RWDD1: variants seen among roughly 807,000 people sequenced by gnomAD.
RWDD1 encodes RWD domain containing 1, also known as RWD domain-containing protein 1.
RWDD1 carries 17 observed loss-of-function variants against 31.6 expected under a neutral mutation model. The ratio of observed to expected loss-of-function variants is 0.54; its 90% CI spans 0.37 to 0.81. The LOEUF (loss-of-function observed/expected upper bound fraction) is 0.81, where lower values mean the gene tolerates loss of function less well. RWDD1 is among the 30% of genes least tolerant of loss of function. The probability of loss-of-function intolerance (pLI) is 0.00; values close to 1 mark genes in which losing one functional copy is unlikely to be tolerated. For missense variants in RWDD1, 204 were observed against 274.5 expected (o/e 0.74, Z 1.82); for synonymous variants, 78 against 94.2 (o/e 0.83, Z 0.99).
In RWDD1 at chr6:116,594,321, T is replaced by TATTTAAATTAGAATTTAAATTAAA. The variant is rs1416620397; in HGVS notation, c.*1231_*1254dup. Reference sequence around the variant, plus strand: ...TATCCAAACCATAGCAGTCTTAAAGTATTTAAATTAGAATTTAAATTAAAA... The same window carrying TATTTAAATTAGAATTTAAATTAAA: ...TATCCAAACCATAGCAGTCTTAAAGTATTTAAATTAGAATTTAAATTAAAATTTAAATTAGAATTTAAATTAAAA... On this transcript the variant is annotated 3_prime_UTR_variant, in exon 7 of 7. Coordinates refer to ENST00000466444, the MANE Select transcript of RWDD1 (RefSeq NM_015952.4). The TATTTAAATTAGAATTTAAATTAAA allele has an allele frequency of 3.3e-5, 5 of 152,138 alleles. No homozygotes were observed. Among genetic ancestry groups the TATTTAAATTAGAATTTAAATTAAA allele is most frequent in the African/African-American group, 9.7e-5 (4 of 41,426 alleles). 9.4% of individuals were successfully genotyped at this position (152,138 alleles called of 1,614,324 possible).
At chr6:116,575,045 T>C (rs1351477374) in intron 1 of RWDD1, among the ~76,000 whole-genome samples, 3 of 152,128 alleles carry the variant, frequency 2.0e-5, no homozygotes, top group Non-Finnish European at 4.4e-5. Context: ...GCTGGGGTTA[T>C]AGGCGTGAGC....
chr6:116,585,983 C>T (rs913502698), intron 3 of RWDD1, among the ~76,000 whole-genome samples: 1 of 151,978 alleles, frequency 6.6e-6, no homozygotes, highest in Non-Finnish European at 1.5e-5. Context: ...TAAAACATTG[C>T]AGAGAACCTG....
chr6:116,591,805 C>T (rs1195488211), intron 6 of RWDD1, among the ~76,000 whole-genome samples: 1 of 152,246 alleles, frequency 6.6e-6, no homozygotes, highest in Non-Finnish European at 1.5e-5. Flanking sequence ...AATCCTTTAG[C>T]TTCTGGCCTT....
chr6:116,571,563 G>A lies in RWDD1; in HGVS notation c.-20G>A. ...CCGCCTAGGTGTCTGGGCGATCTAT[G>A]GGCAAGAGCAAGGGCCACGATGACA... On this transcript the variant is annotated 5_prime_UTR_variant, in exon 1 of 7. The change abolishes an upstream ATG in the 5' untranslated region. Coordinates refer to ENST00000466444, the MANE Select transcript of RWDD1 (RefSeq NM_015952.4). 6.2e-7 allele frequency: 1 copy of A among 1,611,580 alleles called. No individual in the cohort carries two copies. The highest frequency in any genetic ancestry group is 8.5e-7 in the Non-Finnish European group (1 of 1,179,056).
At chr6:116,578,953 G>A in intron 1 of RWDD1, among the ~76,000 whole-genome samples, 1 of 152,056 alleles carries the variant, frequency 6.6e-6, no homozygotes, top group East Asian at 1.9e-4. Flanking sequence ...TTGGCTCACT[G>A]CAACCTCTGC....
chr6:116,585,797 T>C (rs923002347), intron 3 of RWDD1, among the ~76,000 whole-genome samples: 4 of 152,252 alleles, frequency 2.6e-5, no homozygotes, highest in Admixed American at 2.6e-4. Flanking sequence ...TTTTTTTATA[T>C]ATTTTTATTT....
At chr6:116,578,943 T>C (rs1295862731) in intron 1 of RWDD1, among the ~76,000 whole-genome samples, 2 of 152,202 alleles carry the variant, frequency 1.3e-5, no homozygotes, top group Admixed American at 1.3e-4. Context: ...TGGCGCAATC[T>C]TGGCTCACTG....
chr6:116,586,192 A>G (rs1481261660), intron 3 of RWDD1, among the ~76,000 whole-genome samples: 1 of 152,206 alleles, frequency 6.6e-6, no homozygotes, highest in Non-Finnish European at 1.5e-5. Flanking sequence ...AATAATCGTT[A>G]TAATTTTCCA....
intron 2 of RWDD1, among the ~76,000 whole-genome samples, chr6:116,581,503 A>G (rs1477177933): frequency 6.6e-6 from 1 of 152,066 alleles, no homozygotes; most frequent in African/African-American, 2.4e-5. Context: ...TACTCAGTGC[A>G]TTATCCACCA....
intron 1 of RWDD1, 88 bp from the exon 2 acceptor site, chr6:116,580,207 C>G (rs1192434745): frequency 1.2e-6 from 1 of 828,876 alleles, no homozygotes; most frequent in African/African-American, 1.7e-5. Context: ...GGACCAGTTT[C>G]TAGGACTGGG....
chr6:116,588,824 C>T lies in RWDD1; in HGVS notation c.271-18C>T, dbSNP rs1775085301. 2 of 1,510,990 alleles carry T rather than the reference C, an allele frequency of 1.3e-6. No individual in the cohort carries two copies. Among genetic ancestry groups the T allele is most frequent in the African/African-American group, 1.5e-5 (1 of 68,680 alleles). The allele number at this position is 1,510,990 out of a possible 1,614,324, so 93.6% of individuals were successfully genotyped here. ...TTTTTCTGAGAGTTATTCCTCATCACCTTTTTGTGTTACACAGGCTGAAGA... is the reference window on the plus strand; with the variant it reads ...TTTTTCTGAGAGTTATTCCTCATCATCTTTTTGTGTTACACAGGCTGAAGA... On this transcript the variant is annotated intron_variant, in intron 3 of 6. Transcript: ENST00000466444.
intron 2 of RWDD1, among the ~76,000 whole-genome samples, chr6:116,583,002 G>A (rs1301601151): frequency 6.7e-6 from 1 of 149,268 alleles, no homozygotes; most frequent in African/African-American, 2.5e-5. Flanking sequence ...TTAGAGACAA[G>A]GATCTTACTC....
rs1775250025 is a variant in RWDD1 at position 116,597,058 on chromosome 6, T to G, written c.*3957T>G. ...CCATCAATGCTAAATGGTATTTAGT[T>G]GTGGATCTTCATCCTGTCATGCAGC... On this transcript the variant is annotated 3_prime_UTR_variant, in exon 7 of 7. Coordinates refer to ENST00000466444, the MANE Select transcript of RWDD1 (RefSeq NM_015952.4). 6.6e-6 allele frequency: 1 copy of G among 152,162 alleles called. No individual in the cohort carries two copies. The highest frequency in any genetic ancestry group is 2.4e-5 in the African/African-American group (1 of 41,436). The allele number at this position is 152,162 out of a possible 1,614,324, so 9.4% of individuals were successfully genotyped here.
At chr6:116,588,627 C>T (rs1583335319) in intron 3 of RWDD1, among the ~76,000 whole-genome samples, 2 of 151,912 alleles carry the variant, frequency 1.3e-5, no homozygotes, top group Admixed American at 6.6e-5. Flanking sequence ...GATTATTAAA[C>T]AGAATTTGCT....
intron 6 of RWDD1, among the ~76,000 whole-genome samples, chr6:116,592,631 A>G (rs1279693385): frequency 6.6e-6 from 1 of 152,230 alleles, no homozygotes; most frequent in African/African-American, 2.4e-5. Context: ...ACTGGAAGAG[A>G]TAACTCCTCA....
intron 1 of RWDD1, among the ~76,000 whole-genome samples, chr6:116,575,031 A>C (rs748964459): frequency 6.6e-4 from 100 of 151,898 alleles, no homozygotes; most frequent in Non-Finnish European, 1.2e-3. Flanking sequence ...CCAACTCCCA[A>C]AGTGCTGGGG....
At chr6:116,574,090 A>G (rs1774793598) in intron 1 of RWDD1, 1 of 531,414 alleles carries the variant, frequency 1.9e-6, no homozygotes, top group Non-Finnish European at 2.4e-6. Flanking sequence ...CCTCCTAACA[A>G]CTAGTCTTCC....
Position 116,574,839 on chromosome 6 carries a change from G to A in RWDD1, c.73+3184G>A, listed in dbSNP as rs75452402. ...AGGCTGGAGTGCAGTGCCCCAATCAGCTCACTGGAACCATGGACCTCTTTA... is the reference window on the plus strand; with the variant it reads ...AGGCTGGAGTGCAGTGCCCCAATCAACTCACTGGAACCATGGACCTCTTTA... On this transcript the variant is annotated intron_variant, in intron 1 of 6. Coordinates refer to ENST00000466444, the MANE Select transcript of RWDD1 (RefSeq NM_015952.4). 6.9e-3 allele frequency among the ~76,000 whole-genome samples: 911 copies of A among 131,770 alleles called. 10 individuals carry two copies. The highest frequency in any genetic ancestry group is 0.025 in the African/African-American group (889 of 35,560). The allele number at this position is 131,770 out of a possible 152,430, so 86.4% of individuals were successfully genotyped here.
At position 116,594,918 on chromosome 6, in the gene RWDD1, T is replaced by C. The variant is rs1198144207; in HGVS notation, c.*1817T>C. ...CCTTATAATCAAAAAGCAAATTATT[T>C]AAGATAAAATTACCATTGAGGAGTT... On this transcript the variant is annotated 3_prime_UTR_variant, in exon 7 of 7. Coordinates refer to ENST00000466444, the MANE Select transcript of RWDD1 (RefSeq NM_015952.4). 1 of 152,262 alleles carries C rather than the reference T, an allele frequency of 6.6e-6. No individual in the cohort carries two copies. Among genetic ancestry groups the C allele is most frequent in the Non-Finnish European group, 1.5e-5 (1 of 68,050 alleles). 9.4% of individuals were successfully genotyped at this position (152,262 alleles called of 1,614,324 possible).
Sources: gnomAD v4.1 joint callset for allele counts (sites outside exome capture counted in the v4.1 genomes callset) on GRCh38, gnomAD v4.1.1 for gene constraint, MANE v1.5 for transcripts, NCBI Gene and HGNC (gene_info 2026-07-23, HGNC 2026-07-21) for gene names.